Variants in FAN1 observed in about 807,000 individuals in gnomAD.
FAN1 encodes the protein FANCD2 and FANCI associated nuclease 1.
A neutral mutation model predicts 104.9 loss-of-function variants in FAN1; 91 were observed. The observed-to-expected ratio is 0.87, with a 90% CI of 0.73 to 1.03. The LOEUF is 1.03. Ranked by LOEUF, FAN1 falls within the 50% of genes least tolerant of loss-of-function variation. The pLI is 0.00. For synonymous variants in FAN1, 478 were observed against 457.6 expected, an observed-to-expected ratio of 1.04 and a Z score of -0.57; for missense variants, 1,263 against 1,239.9, an observed-to-expected ratio of 1.02 and a Z score of -0.28.
At chr15:30,911,882 T>G (rs2062108067) in intron 4 of FAN1, 1 of 167,906 alleles carries the variant, frequency 6.0e-6, no homozygotes, top group African/African-American at 2.4e-5. Context: ...GCCAATATGG[T>G]AAAACCCTGT....
At position 30,905,896 on chromosome 15, in the gene FAN1, A is replaced by G. The variant is rs759338123; in HGVS notation, c.1233A>G (p.Ser411=). The G allele has an allele frequency of 8.7e-6, 14 of 1,610,654 alleles. No homozygotes were observed. Among genetic ancestry groups the G allele is most frequent in the Non-Finnish European group, 1.2e-5 (14 of 1,177,878 alleles). The change falls in exon 2 of 15, where the codon TCA becomes TCG. Residue 411 remains serine, a splice_region_variant and synonymous_variant. Coordinates refer to ENST00000362065, the MANE Select transcript of FAN1 (RefSeq NM_014967.5). ...KGIVTKFYQL[S]ATGQKLYVRL... is the part of the protein sequence containing the mutation. ...TTGTAACTAAATTTTATCAGTTATC[A>G]GGTATCTTACGCACGTGTTTGTTTT...
At position 30,929,409 on chromosome 15, in the gene FAN1, C is replaced by T. The variant is rs747420520; in HGVS notation, c.2787+12C>T. The stretch of plus-strand genomic sequence containing the variant: ...TTCAGCAAGCTCAGGTAATGGTTCA[C>T]CTGCATGGCAGGATTTGCTCAGAAA... On this transcript the variant is annotated intron_variant, in intron 12 of 14. Transcript: ENST00000362065. 8.8e-6 allele frequency: 14 copies of T among 1,582,036 alleles called. No homozygotes were observed. Among genetic ancestry groups the T allele is most frequent in the African/African-American group, 1.4e-5 (1 of 73,668 alleles).
intron 5 of FAN1, among the ~76,000 whole-genome samples, chr15:30,915,268 A>G (rs568119183): frequency 1.2e-3 from 180 of 152,326 alleles, no homozygotes; most frequent in African/African-American, 4.2e-3. Flanking sequence ...TCACAGAAGT[A>G]GAGAGTAGAA....
chr15:30,936,004 A>AT (rs1426814812), intron 13 of FAN1, among the ~76,000 whole-genome samples: 1 of 151,092 alleles, frequency 6.6e-6, no homozygotes, highest in Non-Finnish European at 1.5e-5. Context: ...ATTTTTGGCC[A>AT]TTTTTTCTTT....
rs2063062747 is a variant in FAN1 at position 30,941,744 on chromosome 15, T to C, written c.*182T>C. ...CATCCTGCTCAGTACGTCGACTTCA[T>C]CAGCCAGGAGGGAGAGCTTGTGAAA... On this transcript the variant is annotated 3_prime_UTR_variant, in exon 15 of 15. Coordinates refer to ENST00000362065, the MANE Select transcript of FAN1 (RefSeq NM_014967.5). 6.2e-7 allele frequency: 1 copy of C among 1,613,968 alleles called. No homozygotes were observed. The highest frequency in any genetic ancestry group is 8.5e-7 in the Non-Finnish European group (1 of 1,179,872).
chr15:30,917,474 A>G (rs775299652), intron 5 of FAN1, among the ~76,000 whole-genome samples: 18 of 152,168 alleles, frequency 1.2e-4, no homozygotes, highest in East Asian at 9.6e-4. Flanking sequence ...TTTGGAGGCA[A>G]TTTCTTTACT....
chr15:30,940,616 T>A (rs1044123901), intron 14 of FAN1: 12 of 985,426 alleles, frequency 1.2e-5, no homozygotes, highest in African/African-American at 1.7e-5. Context: ...GATGGCACTC[T>A]CCTGTCTACA....
chr15:30,942,798 G>C lies in FAN1; in HGVS notation c.*1236G>C. On this transcript the variant is annotated 3_prime_UTR_variant, in exon 15 of 15. Coordinates refer to ENST00000362065, the MANE Select transcript of FAN1 (RefSeq NM_014967.5). The stretch of plus-strand genomic sequence containing the variant: ...AACCCGCATTAGCAGTGTTACTCTT[G>C]GAAGTGCCTTTACTTTTAACGCTCT... The C allele has an allele frequency of 3.9e-6, 5 of 1,296,272 alleles. No homozygotes were observed. Among genetic ancestry groups the C allele is most frequent in the Admixed American group, 5.3e-5 (2 of 37,706 alleles). The allele number at this position is 1,296,272 out of a possible 1,614,324, so 80.3% of individuals were successfully genotyped here. A position where few individuals can be genotyped will look rare whatever the true frequency, so the allele number is the denominator to read the frequency against.
In FAN1 at chr15:30,930,535, G is replaced by T. The variant is rs2062682037; in HGVS notation, c.2788-8G>T. On this transcript the variant is annotated splice_polypyrimidine_tract_variant and splice_region_variant and intron_variant, in intron 12 of 14. Transcript: ENST00000362065. The stretch of plus-strand genomic sequence containing the variant: ...GAAGTGGCTAACTGTCCTGTGTTTT[G>T]TGTTCAGGATCTTGTCTCCTGCCTG... The T allele has an allele frequency of 1.3e-5, 21 of 1,586,114 alleles. No individual in the cohort carries two copies. In the East Asian group the frequency reaches 4.7e-4, roughly 36 times the overall value.
chr15:30,936,961 G>T (rs1180439879), intron 13 of FAN1, among the ~76,000 whole-genome samples, 158 bp from the exon 14 acceptor site: 3 of 152,166 alleles, frequency 2.0e-5, no homozygotes, highest in African/African-American at 4.8e-5. Flanking sequence ...GTGAACCATT[G>T]TAAGTGAAGG....
Position 30,905,758 on chromosome 15 carries a change from T to G in FAN1, c.1095T>G (p.Gly365=), listed in dbSNP as rs2061963266. The G allele has an allele frequency of 1.9e-6, 3 of 1,614,056 alleles. No homozygotes were observed. The highest frequency in any genetic ancestry group is 1.7e-6 in the Non-Finnish European group (2 of 1,180,028). ...IPLEQGSSCN[G]PGQTTGHPYY... ...TGGAGCAGGGGTCAAGCTGCAATGG[T>G]CCTGGTCAAACAACCGGTCATCCTT... is the stretch of plus-strand genomic sequence containing the variant. The change falls in exon 2 of 15, where the codon GGT becomes GGG. Residue 365 remains glycine (G), a synonymous_variant. Transcript: ENST00000362065.
intron 13 of FAN1, among the ~76,000 whole-genome samples, chr15:30,934,211 T>C (rs1010958951): frequency 5.9e-5 from 9 of 152,200 alleles, no homozygotes; most frequent in Admixed American, 4.6e-4. Context: ...TGAAATCAAC[T>C]TTGTCCGATA....
chr15:30,926,534 T>G, intron 10 of FAN1: 1 of 670,322 alleles, frequency 1.5e-6, no homozygotes, highest in South Asian at 6.7e-5. Context: ...AACCACAAGA[T>G]AGGAGTTTAC....
Position 30,922,356 on chromosome 15 carries a change from T to C in FAN1, c.2172+2T>C. ...CAGCACTTGAAGCGCCTGGAACCGGTACTCAGTAACAAAACATATCTGAAA... is the reference window on the plus strand; with the variant it reads ...CAGCACTTGAAGCGCCTGGAACCGGCACTCAGTAACAAAACATATCTGAAA... On this transcript the variant is annotated splice_donor_variant, in intron 8 of 14. Transcript: ENST00000362065. LOFTEE classifies it high-confidence loss of function. 4 of 1,597,312 alleles carry C rather than the reference T, an allele frequency of 2.5e-6. No homozygotes were observed. Among genetic ancestry groups the C allele is most frequent in the Non-Finnish European group, 3.4e-6 (4 of 1,176,010 alleles).
chr15:30,940,450 G>C, intron 14 of FAN1: 5 of 985,416 alleles, frequency 5.1e-6, no homozygotes, highest in Non-Finnish European at 4.8e-6. Flanking sequence ...GGAACTATGA[G>C]AGAAGGACAT....
Position 30,933,149 on chromosome 15 carries a change from T to A in FAN1, c.2916+2478T>A, listed in dbSNP as rs186705348. 7.2e-4 allele frequency among the ~76,000 whole-genome samples: 110 copies of A among 152,354 alleles called. 1 individual carries two copies. Among genetic ancestry groups the A allele is most frequent in the Middle Eastern group, 3.4e-3 (1 of 294 alleles). ...TCTGGCAGGAGGTTTATCAATTTAC[T>A]GATTTTCTCGAAGAATCAGCTTTTG... On this transcript the variant is annotated intron_variant, in intron 13 of 14. Coordinates refer to ENST00000362065, the MANE Select transcript of FAN1 (RefSeq NM_014967.5).
At chr15:30,910,936 A>C (rs2062087024) in intron 4 of FAN1, 121 bp downstream of exon 4, 9 of 1,389,752 alleles carry the variant, frequency 6.5e-6, no homozygotes, top group Admixed American at 3.2e-5. Flanking sequence ...TAGATTGAGA[A>C]GGCTGGAAAA....
rs973708700 is a variant in FAN1 at position 30,910,561 on chromosome 15, T to A, written c.1376-53T>A. The stretch of plus-strand genomic sequence containing the variant: ...TTTATTTTCATCTAACTAAGGTAAA[T>A]AAAGCTAGAAAATAGTAAAATTTAA... On this transcript the variant is annotated intron_variant, in intron 3 of 14. Transcript: ENST00000362065. 9.2e-6 allele frequency: 11 copies of A among 1,190,048 alleles called. No individual in the cohort carries two copies. In the African/African-American group the frequency reaches 1.7e-4, roughly 18 times the overall value. The allele number at this position is 1,190,048 out of a possible 1,614,324, so 73.7% of individuals were successfully genotyped here.
chr15:30,934,974 T>C (rs1156781029), intron 13 of FAN1, among the ~76,000 whole-genome samples: 1 of 152,214 alleles, frequency 6.6e-6, no homozygotes, highest in East Asian at 1.9e-4. Flanking sequence ...TTTCCAGTGC[T>C]TGCTATTCTT....
Sources: allele counts gnomAD v4.1 joint callset (sites outside exome capture counted in the v4.1 genomes callset), GRCh38; gene constraint gnomAD v4.1.1; transcripts MANE v1.5; gene names NCBI Gene and HGNC (gene_info 2026-07-23, HGNC 2026-07-21).